PDE6A: variants seen among roughly 807,000 people sequenced by gnomAD.
The protein encoded by PDE6A is phosphodiesterase 6A.
PDE6A carries 84 observed loss-of-function variants against 106.3 expected under a neutral mutation model. The observed-to-expected ratio is 0.79, with a 90% confidence interval of 0.66 to 0.95. The LOEUF (loss-of-function observed/expected upper bound fraction) is 0.95, where lower values mean the gene tolerates loss of function less well. Among genes scored for constraint, PDE6A ranks in the 40% least tolerant of loss-of-function variants. The probability of loss-of-function intolerance (pLI) is 0.00; values close to 1 mark genes in which losing one functional copy is unlikely to be tolerated. For missense variants in PDE6A, 1,052 were observed against 1,084.9 expected, an observed-to-expected ratio of 0.97 and a Z score of 0.43; for synonymous variants, 394 against 386.6, an observed-to-expected ratio of 1.02 and a Z score of -0.23.
chr5:149,944,297 A>T lies in PDE6A; in HGVS notation c.377T>A (p.Val126Glu). ...GAAGACGATCTCTTGGTCGGGCATC[A>T]CCAGGCAGTCCTCGAGGACAGCATC... Reference protein sequence around the residue: ...HKDAVLEDCLVMPDQEIVFPL... With the variant: ...HKDAVLEDCLEMPDQEIVFPL... Residue 126 changes from valine (V) to glutamate (E), a missense_variant, in exon 1 of 22, where the codon GTG becomes GAG. By Grantham distance (121) the Val-to-Glu change is moderately radical. This residue lies in a region of PDE6A where 913 missense variants were observed against 915.2 expected (regional missense o/e 1.00). Coordinates refer to ENST00000255266, the MANE Select transcript of PDE6A (RefSeq NM_000440.3). The T allele has an allele frequency of 6.2e-7, 1 of 1,614,168 alleles. No individual in the cohort carries two copies. Among genetic ancestry groups the T allele is most frequent in the South Asian group, 1.1e-5 (1 of 91,080 alleles).
chr5:149,915,028 T>A, intron 5 of PDE6A, 21 bp from the exon 6 acceptor site: 1 of 1,395,136 alleles, frequency 7.2e-7, no homozygotes, highest in Non-Finnish European at 9.9e-7. Flanking sequence ...AGAGAAAAAT[T>A]ATACTTTTTT....
chr5:149,923,709 ACTT>A (rs1169644831), intron 4 of PDE6A, among the ~76,000 whole-genome samples: 4 of 152,198 alleles, frequency 2.6e-5, no homozygotes, highest in African/African-American at 9.6e-5. Context: ...CTTCCCCACT[ACTT>A]CTTCATGGTT....
intron 4 of PDE6A, among the ~76,000 whole-genome samples, chr5:149,929,470 G>T (rs1360945905): frequency 6.6e-6 from 1 of 152,118 alleles, no homozygotes; most frequent in African/African-American, 2.4e-5. Flanking sequence ...AGCCAGGCAT[G>T]GTGGTGGGCG....
At chr5:149,871,320 A>G (rs1332986949) in intron 17 of PDE6A, among the ~76,000 whole-genome samples, 1 of 152,160 alleles carries the variant, frequency 6.6e-6, no homozygotes, top group Non-Finnish European at 1.5e-5. Context: ...GGGGAATTGC[A>G]CATTTATCCC....
rs1754421198 is a variant in PDE6A at position 149,944,766 on chromosome 5, T to A, written c.-93A>T. ...GTCTGCAACAAGTCCAGTCTGGACTTCTCTGGGTCTTGTCTGCAAAACATA... is the reference window on the plus strand; with the variant it reads ...GTCTGCAACAAGTCCAGTCTGGACTACTCTGGGTCTTGTCTGCAAAACATA... On this transcript the variant is annotated 5_prime_UTR_variant, in exon 1 of 22. It introduces an in-frame stop codon into an upstream open reading frame of the 5' UTR. Transcript: ENST00000255266. 1 of 970,872 alleles carries A rather than the reference T, an allele frequency of 1.0e-6. No homozygotes were observed. Among genetic ancestry groups the A allele is most frequent in the Non-Finnish European group, 1.6e-6 (1 of 629,778 alleles). The allele number at this position is 970,872 out of a possible 1,614,324, so 60.1% of individuals were successfully genotyped here.
intron 12 of PDE6A, among the ~76,000 whole-genome samples, chr5:149,895,964 GT>G (rs1752734434): frequency 6.6e-6 from 1 of 152,086 alleles, no homozygotes; most frequent in South Asian, 2.1e-4. Context: ...CTTCTCTGCC[GT>G]CCCCCATGAC....
Position 149,895,202 on chromosome 5 carries a change from G to A in PDE6A, c.1709C>T (p.Thr570Ile). 6.2e-7 allele frequency: 1 copy of A among 1,613,644 alleles called. No homozygotes were observed. Among genetic ancestry groups the A allele is most frequent in the South Asian group, 1.1e-5 (1 of 91,072 alleles). ...NWRHGFNVGQTMFSLLVTGKL... is the reference protein window; with the variant it reads ...NWRHGFNVGQIMFSLLVTGKL... The stretch of plus-strand genomic sequence containing the variant: ...CCATACCACCAGCAGGGAGAACATG[G>A]TCTGCCCCACGTTGAAGCCGTGCCG... Residue 570 changes from threonine to isoleucine, a missense_variant, in exon 13 of 22, where the codon ACC becomes ATC. This residue lies in a region of PDE6A where 913 missense variants were observed against 915.2 expected (regional missense o/e 1.00). Coordinates refer to ENST00000255266, the MANE Select transcript of PDE6A (RefSeq NM_000440.3).
chr5:149,878,519 T>G (rs1381665404), intron 17 of PDE6A, among the ~76,000 whole-genome samples: 3 of 152,156 alleles, frequency 2.0e-5, no homozygotes, highest in Non-Finnish European at 4.4e-5. Flanking sequence ...GGAGAATATC[T>G]GGAGGGGAAA....
chr5:149,943,586 G>T (rs1236869902), intron 1 of PDE6A, among the ~76,000 whole-genome samples: 2 of 152,344 alleles, frequency 1.3e-5, no homozygotes, highest in Middle Eastern at 3.4e-3. Flanking sequence ...CCTCCGAGTA[G>T]ATGGGACTAC....
chr5:149,882,413 T>G (rs925122717), intron 17 of PDE6A, among the ~76,000 whole-genome samples: 1 of 152,050 alleles, frequency 6.6e-6, no homozygotes, highest in African/African-American at 2.4e-5. Flanking sequence ...TTGTCTCCCC[T>G]GCAACTTTTC....
intron 17 of PDE6A, among the ~76,000 whole-genome samples, chr5:149,875,403 C>T (rs541167403): frequency 4.6e-5 from 7 of 152,044 alleles, no homozygotes; most frequent in Non-Finnish European, 7.4e-5. Flanking sequence ...TACCTTCTTG[C>T]ACATTTTTAA....
chr5:149,898,276 A>C, intron 10 of PDE6A, 87 bp downstream of exon 10: 1 of 1,210,014 alleles, frequency 8.3e-7, no homozygotes, highest in African/African-American at 1.5e-5. Context: ...CTGTGCCCTC[A>C]TGGAGTTGCA....
rs36043437 is a variant in PDE6A, at chr5:149,860,653, AT to A, written c.*241del. The A allele has an allele frequency of 0.013, 4,423 of 330,742 alleles. No homozygotes were observed. The highest frequency in any genetic ancestry group is 0.022 in the East Asian group (456 of 21,144). The allele number at this position is 330,742 out of a possible 1,614,324, so 20.5% of individuals were successfully genotyped here. A position where few individuals can be genotyped will look rare whatever the true frequency, so the allele number is the denominator to read the frequency against. Reference sequence around the variant, plus strand: ...CATTATGAAATTTTTTTTTTTGGCGATTTTTTTTTTTAAGTTCAACAGCTAT... The same window carrying A: ...CATTATGAAATTTTTTTTTTTGGCGATTTTTTTTTTAAGTTCAACAGCTAT... On this transcript the variant is annotated 3_prime_UTR_variant, in exon 22 of 22. Coordinates refer to ENST00000255266, the MANE Select transcript of PDE6A (RefSeq NM_000440.3).
At chr5:149,927,104 A>G (rs1005108684) in intron 4 of PDE6A, among the ~76,000 whole-genome samples, 2 of 152,014 alleles carry the variant, frequency 1.3e-5, no homozygotes, top group Non-Finnish European at 2.9e-5. Flanking sequence ...CAATTTTGTC[A>G]TTGTGTGAAC....
intron 12 of PDE6A, among the ~76,000 whole-genome samples, chr5:149,895,703 A>C (rs1218808772): frequency 6.6e-6 from 1 of 151,938 alleles, no homozygotes; most frequent in African/African-American, 2.4e-5. Context: ...CATGAGACTC[A>C]CTTGGAGGAC....
At position 149,858,816 on chromosome 5, in the gene PDE6A, C is replaced by CTTTTTTTTTTTTTTT. The variant is rs764134058; in HGVS notation, c.*2078_*2079insAAAAAAAAAAAAAAA. ...AAGAGAGAAATTCTATCTGCCACAT[C>CTTTTTTTTTTTTTTT]TTTTTTTTTTCTTTTTTTTTTTTTT... On this transcript the variant is annotated 3_prime_UTR_variant, in exon 22 of 22. Coordinates refer to ENST00000255266, the MANE Select transcript of PDE6A (RefSeq NM_000440.3). 7.6e-5 allele frequency: 6 copies of CTTTTTTTTTTTTTTT among 79,148 alleles called. No individual in the cohort carries two copies. Among genetic ancestry groups the CTTTTTTTTTTTTTTT allele is most frequent in the African/African-American group, 2.6e-4 (5 of 19,388 alleles). 4.9% of individuals were successfully genotyped at this position (79,148 alleles called of 1,614,324 possible). A position where few individuals can be genotyped will look rare whatever the true frequency, so the allele number is the denominator to read the frequency against.
At chr5:149,935,097 G>A (rs936431113) in intron 1 of PDE6A, among the ~76,000 whole-genome samples, 1 of 152,196 alleles carries the variant, frequency 6.6e-6, no homozygotes, top group Admixed American at 6.5e-5. Context: ...GAAGTACAAC[G>A]ACAGTTGCTA....
At position 149,896,750 on chromosome 5, in the gene PDE6A, C is replaced by G; in HGVS notation, c.1434G>C (p.Glu478Asp). 6.2e-7 allele frequency: 1 copy of G among 1,614,188 alleles called. No individual in the cohort carries two copies. ...GCTCCTCTTCCTCACACTCCCATGG[C>G]TCCTTCCCATACACCTCTCTGGTTT... ...ILKTREVYGK[E>D]PWECEEEELA... The change falls in exon 11 of 22, where the codon GAG (glutamate) becomes GAC (aspartate). Residue 478 changes from glutamate to aspartate, a missense_variant. By Grantham distance (45) the Glu-to-Asp change is conservative (BLOSUM62 2). Transcript: ENST00000255266.
intron 12 of PDE6A, 133 bp from the exon 13 acceptor site, chr5:149,895,423 T>C (rs1752703599): frequency 2.8e-6 from 2 of 714,802 alleles, no homozygotes; most frequent in Admixed American, 2.0e-5. Flanking sequence ...AACCCCATCA[T>C]TGGACCAGGA....
Sources: allele counts gnomAD v4.1 joint callset (sites outside exome capture counted in the v4.1 genomes callset), GRCh38; gene constraint gnomAD v4.1.1; regional missense constraint gnomAD v4.1.1; transcripts MANE v1.5; gene names NCBI Gene and HGNC (gene_info 2026-07-23, HGNC 2026-07-21).